The following INSC variants were observed in gnomAD, a reference collection of about 807,000 sequenced individuals.
INSC encodes the protein protein inscuteable homolog.
Under a neutral mutation model 58.6 loss-of-function variants are expected in INSC, and 67 were observed. That is an observed-to-expected ratio of 1.14 (90% confidence interval 0.94 to 1.40). INSC has a LOEUF of 1.40. Among genes scored for constraint, INSC ranks in the 40% most tolerant of loss-of-function variants. INSC has a pLI of 0.00. For synonymous variants in INSC, 262 were observed against 276.1 expected, an observed-to-expected ratio of 0.95 and a Z score of 0.51; for missense variants, 714 against 692.0, an observed-to-expected ratio of 1.03 and a Z score of -0.36.
chr11:15,179,083 A>G (rs1318874356), intron 5 of INSC, among the ~76,000 whole-genome samples: 1 of 152,196 alleles, frequency 6.6e-6, no homozygotes, highest in East Asian at 1.9e-4. Flanking sequence ...AGCCTGGCCT[A>G]TCTACTTTCT....
chr11:15,126,611 A>G (rs1848002340), intron 1 of INSC, among the ~76,000 whole-genome samples: 1 of 152,264 alleles, frequency 6.6e-6, no homozygotes, highest in Admixed American at 6.5e-5. Flanking sequence ...CTAAGGCACT[A>G]TAGAACACTT....
chr11:15,187,391 C>T (rs551260407), intron 5 of INSC, among the ~76,000 whole-genome samples: 1 of 151,960 alleles, frequency 6.6e-6, no homozygotes, highest in Admixed American at 6.6e-5. Flanking sequence ...TGCATCCTGT[C>T]AATGCTACCT....
chr11:15,236,270 G>A (rs954152027), intron 10 of INSC, among the ~76,000 whole-genome samples: 3 of 151,780 alleles, frequency 2.0e-5, no homozygotes, highest in Non-Finnish European at 4.4e-5. Flanking sequence ...ATGAAGCAGG[G>A]AAGAAGAGTA....
chr11:15,122,134 A>G lies in INSC; in HGVS notation c.-46+7131A>G, dbSNP rs142788598. ...GCAAACAGAGTTAGGACATATATGT[A>G]TATTTATTTCTCCAATCAACCAATA... On this transcript the variant is annotated intron_variant, in intron 1 of 12. Coordinates refer to ENST00000379556, the MANE Select transcript of INSC (RefSeq NM_001042536.3). Among the ~76,000 whole-genome samples the G allele has an allele frequency of 7.9e-5, 12 of 152,306 alleles. No individual in the cohort carries two copies. The East Asian group carries it at 2.3e-3, about 29-fold the overall frequency.
chr11:15,136,455 A>G (rs1007712108), intron 1 of INSC, among the ~76,000 whole-genome samples: 2 of 152,044 alleles, frequency 1.3e-5, no homozygotes, highest in African/African-American at 4.8e-5. Flanking sequence ...TTTATGAAAA[A>G]TTTCTTGGTG....
chr11:15,251,820 TGTTA>T (rs1314405210), downstream of INSC, among the ~76,000 whole-genome samples: 2 of 152,168 alleles, frequency 1.3e-5, no homozygotes, highest in African/African-American at 4.8e-5. Flanking sequence ...GAAAACATTC[TGTTA>T]GTTCCTCAAA....
intron 7 of INSC, among the ~76,000 whole-genome samples, chr11:15,214,715 T>A (rs1382036478): frequency 6.6e-6 from 1 of 152,230 alleles, no homozygotes; most frequent in African/African-American, 2.4e-5. Flanking sequence ...AGTGCAACTT[T>A]GTTGAGAGCT....
chr11:15,127,738 G>T lies in INSC; in HGVS notation c.-46+12735G>T, dbSNP rs1348993077. 3.9e-5 allele frequency among the ~76,000 whole-genome samples: 6 copies of T among 152,262 alleles called. No individual in the cohort carries two copies. The South Asian group carries it at 6.2e-4, about 16-fold the overall frequency. ...TATGCCCTTCGGGGTAGCAGTCATGGATCAAGCAAGGTGGATGGAACTTGG... is the reference window on the plus strand; with the variant it reads ...TATGCCCTTCGGGGTAGCAGTCATGTATCAAGCAAGGTGGATGGAACTTGG... On this transcript the variant is annotated intron_variant, in intron 1 of 12. Transcript: ENST00000379556.
downstream of INSC, among the ~76,000 whole-genome samples, chr11:15,248,939 G>A (rs1852621325): frequency 6.6e-6 from 1 of 152,196 alleles, no homozygotes; most frequent in South Asian, 2.1e-4. Flanking sequence ...CATCCTAAGA[G>A]CAGAAGGGTC....
At chr11:15,148,518 G>T (rs1329216932) in intron 1 of INSC, among the ~76,000 whole-genome samples, 1 of 152,208 alleles carries the variant, frequency 6.6e-6, no homozygotes, top group African/African-American at 2.4e-5. Context: ...AAGCAATCCT[G>T]TCATGGCTCA....
chr11:15,131,988 A>G (rs1420190870), intron 1 of INSC, among the ~76,000 whole-genome samples: 2 of 151,986 alleles, frequency 1.3e-5, no homozygotes, highest in African/African-American at 2.4e-5. Flanking sequence ...TCCCTTTTAC[A>G]TACTTTCTTT....
chr11:15,179,348 G>A (rs2133832319), intron 5 of INSC, among the ~76,000 whole-genome samples: 1 of 152,316 alleles, frequency 6.6e-6, no homozygotes, highest in South Asian at 2.1e-4. Context: ...GTTATTTATA[G>A]TTACAGAAAT....
At chr11:15,118,118 C>G (rs755612070) in intron 1 of INSC, among the ~76,000 whole-genome samples, 1 of 152,188 alleles carries the variant, frequency 6.6e-6, no homozygotes, top group Non-Finnish European at 1.5e-5. Flanking sequence ...AACACAACAT[C>G]TCTGATCAGG....
intron 2 of INSC, among the ~76,000 whole-genome samples, chr11:15,158,860 GTTTTTTTTTT>G (rs529518368): frequency 9.1e-5 from 10 of 109,706 alleles, no homozygotes; most frequent in African/African-American, 3.5e-4. Context: ...ATTGTTGGTG[GTTTTTTTTTT>G]TTTTTTTTTT....
Position 15,229,977 on chromosome 11 carries a change from TATTATATATA to T in INSC, c.1170+4150_1170+4159del, listed in dbSNP as rs1347799878. 4.6e-3 allele frequency among the ~76,000 whole-genome samples: 51 copies of T among 11,118 alleles called. 1 individual carries two copies. Among genetic ancestry groups the T allele is most frequent in the African/African-American group, 8.6e-3 (22 of 2,564 alleles). 7.3% of individuals were successfully genotyped at this position (11,118 alleles called of 152,430 possible). ...ATATATATTTATATATATATATATA[TATTATATATA>T]TATATATATATATATATATATATAT... is the stretch of plus-strand genomic sequence containing the variant. On this transcript the variant is annotated intron_variant, in intron 9 of 12. Coordinates refer to ENST00000379556, the MANE Select transcript of INSC (RefSeq NM_001042536.3).
At chr11:15,231,350 T>C (rs947148446) in intron 9 of INSC, among the ~76,000 whole-genome samples, 4 of 152,166 alleles carry the variant, frequency 2.6e-5, no homozygotes, top group African/African-American at 9.7e-5. Context: ...AAGAATTGTC[T>C]TGGGCCACAC....
chr11:15,236,742 C>T (rs921043061), intron 10 of INSC, among the ~76,000 whole-genome samples: 9 of 152,210 alleles, frequency 5.9e-5, no homozygotes, highest in Admixed American at 1.3e-4. Context: ...GCTAATGAGG[C>T]GGAGTGAGCT....
intron 1 of INSC, among the ~76,000 whole-genome samples, chr11:15,116,965 T>A (rs1304470567): frequency 2.2e-5 from 3 of 138,218 alleles, no homozygotes; most frequent in African/African-American, 8.1e-5. Context: ...CCTTCTTTGA[T>A]GGAGTCTTGC....
At chr11:15,114,372 G>C (rs1413336288), upstream of INSC, among the ~76,000 whole-genome samples, 1 of 152,168 alleles carries the variant, frequency 6.6e-6, no homozygotes, top group Non-Finnish European at 1.5e-5. Context: ...GTGTGAGCAA[G>C]GTTCCAGAGG....
Sources: allele counts gnomAD v4.1 joint callset (sites outside exome capture counted in the v4.1 genomes callset), GRCh38; gene constraint gnomAD v4.1.1; transcripts MANE v1.5; gene names NCBI Gene and HGNC (gene_info 2026-07-23, HGNC 2026-07-21).